Variants in NR3C2 observed in about 807,000 individuals in gnomAD.
The protein encoded by NR3C2 is nuclear receptor subfamily 3 group C member 2, also known as mineralocorticoid receptor.
In NR3C2, 15 loss-of-function variants were observed where a neutral mutation model predicts 86.4. That is an observed-to-expected ratio of 0.17 (90% CI 0.12 to 0.27). NR3C2 has a LOEUF of 0.27. NR3C2 is among the 10% of genes least tolerant of loss of function. The pLI, the probability that NR3C2 is intolerant of heterozygous loss-of-function variation, is 1.00. For missense variants in NR3C2, 960 were observed against 1,195.6 expected (o/e 0.80, Z 2.91); for synonymous variants, 458 against 450.5 (o/e 1.02, Z -0.21).
intron 2 of NR3C2, among the ~76,000 whole-genome samples, chr4:148,270,356 T>C (rs1740619050): frequency 1.3e-5 from 2 of 152,310 alleles, no homozygotes; most frequent in African/African-American, 4.8e-5. Flanking sequence ...TTGCACCCTC[T>C]CTTCTACTTC....
intron 8 of NR3C2, among the ~76,000 whole-genome samples, chr4:148,097,332 A>G (rs968765039): frequency 6.6e-6 from 1 of 152,168 alleles, no homozygotes; most frequent in Non-Finnish European, 1.5e-5. Context: ...CTCGATATCC[A>G]TGGTAGCTAA....
At chr4:148,178,804 T>G (rs998397838) in intron 4 of NR3C2, among the ~76,000 whole-genome samples, 2 of 151,134 alleles carry the variant, frequency 1.3e-5, no homozygotes, top group African/African-American at 4.8e-5. Context: ...GACACTCAGG[T>G]GTCAATGACA....
intron 2 of NR3C2, among the ~76,000 whole-genome samples, chr4:148,371,430 AC>A (rs1746416405): frequency 6.6e-6 from 1 of 152,050 alleles, no homozygotes; most frequent in African/African-American, 2.4e-5. Flanking sequence ...AATGCTTGAG[AC>A]CCCCTTGGGG....
intron 2 of NR3C2, among the ~76,000 whole-genome samples, chr4:148,406,469 A>C (rs1748433203): frequency 6.6e-6 from 1 of 152,076 alleles, no homozygotes; most frequent in African/African-American, 2.4e-5. Flanking sequence ...GGAGGTATGG[A>C]AAGATAATTA....
At chr4:148,434,577 A>G (rs184382178) in intron 2 of NR3C2, among the ~76,000 whole-genome samples, 1 of 152,300 alleles carries the variant, frequency 6.6e-6, no homozygotes, top group Non-Finnish European at 1.5e-5. Flanking sequence ...CAACTTTCAT[A>G]TAATTAACCT....
At position 148,378,097 on chromosome 4, in the gene NR3C2, T is replaced by C. The variant is rs557391779; in HGVS notation, c.1757+57007A>G. ...GGTTCCTTCACATGAGCCATAGAGGTTGTTATAGGAATATCAATGAGTATG... is the reference window on the plus strand; with the variant it reads ...GGTTCCTTCACATGAGCCATAGAGGCTGTTATAGGAATATCAATGAGTATG... On this transcript the variant is annotated intron_variant, in intron 2 of 8. Coordinates refer to ENST00000358102, the MANE Select transcript of NR3C2 (RefSeq NM_000901.5). Among the ~76,000 whole-genome samples the C allele has an allele frequency of 2.6e-5, 4 of 152,156 alleles. No homozygotes were observed. The East Asian group carries it at 7.7e-4, about 29-fold the overall frequency.
At chr4:148,247,941 T>C (rs887750520) in intron 3 of NR3C2, among the ~76,000 whole-genome samples, 1 of 152,182 alleles carries the variant, frequency 6.6e-6, no homozygotes, top group African/African-American at 2.4e-5. Context: ...GTCTGTCAGA[T>C]GCCGGTTACA....
At chr4:148,267,829 T>C (rs1189230065) in intron 2 of NR3C2, among the ~76,000 whole-genome samples, 4 of 152,168 alleles carry the variant, frequency 2.6e-5, no homozygotes, top group Admixed American at 1.3e-4. Flanking sequence ...AATCAACCTT[T>C]AACAACTGTT....
At position 148,081,338 on chromosome 4, in the gene NR3C2, G is replaced by C; in HGVS notation, c.*6C>G. The C allele has an allele frequency of 1.2e-6, 2 of 1,614,180 alleles. No homozygotes were observed. The highest frequency in any genetic ancestry group is 1.6e-4 in the Middle Eastern group (1 of 6,062). ...TTAAGGCAAAGTTCTTCTGGGCAGC[G>C]GGCAGTCACTTCCGGTGGAAGTAGA... On this transcript the variant is annotated 3_prime_UTR_variant, in exon 9 of 9. Coordinates refer to ENST00000358102, the MANE Select transcript of NR3C2 (RefSeq NM_000901.5).
intron 3 of NR3C2, among the ~76,000 whole-genome samples, chr4:148,226,733 C>T (rs1427990821): frequency 8.5e-5 from 13 of 152,172 alleles, no homozygotes; most frequent in Admixed American, 8.5e-4. Context: ...AATTCACATC[C>T]TTTCCAATAT....
intron 2 of NR3C2, among the ~76,000 whole-genome samples, chr4:148,423,711 T>A (rs1749392688): frequency 6.6e-6 from 1 of 152,158 alleles, no homozygotes; most frequent in Non-Finnish European, 1.5e-5. Flanking sequence ...TTGCCTATTA[T>A]TATTATTATT....
chr4:148,085,538 C>G (rs530707225), intron 8 of NR3C2, among the ~76,000 whole-genome samples: 2 of 152,210 alleles, frequency 1.3e-5, no homozygotes, highest in African/African-American at 4.8e-5. Flanking sequence ...CAGGAGACAG[C>G]AGGAAGGATC....
intron 2 of NR3C2, among the ~76,000 whole-genome samples, chr4:148,290,804 T>C (rs1432182531): frequency 1.3e-5 from 2 of 152,180 alleles, no homozygotes; most frequent in Non-Finnish European, 1.5e-5. Flanking sequence ...ACTTCTGATA[T>C]TACTTCTCAC....
chr4:148,234,967 C>G (rs981915321), intron 3 of NR3C2, among the ~76,000 whole-genome samples: 1 of 151,960 alleles, frequency 6.6e-6, no homozygotes, highest in Non-Finnish European at 1.5e-5. Context: ...AATATTTTCA[C>G]AATGTTTTGC....
At chr4:148,277,107 C>A (rs369398173) in intron 2 of NR3C2, among the ~76,000 whole-genome samples, 2 of 152,026 alleles carry the variant, frequency 1.3e-5, no homozygotes, top group Non-Finnish European at 2.9e-5. Context: ...AAATATTTTA[C>A]GGGAACTGGA....
intron 3 of NR3C2, among the ~76,000 whole-genome samples, chr4:148,221,564 A>C (rs111773093): frequency 9.2e-5 from 14 of 152,338 alleles, no homozygotes; most frequent in African/African-American, 2.6e-4. Flanking sequence ...TTAAAGGTAA[A>C]ACATATCTTT....
chr4:148,334,350 C>T lies in NR3C2; in HGVS notation c.1758-74233G>A, dbSNP rs1230979733. On this transcript the variant is annotated intron_variant, in intron 2 of 8. Transcript: ENST00000358102. ...CTGACGTCGGGAGTTCGAGATCAGC[C>T]TGGCCAACATGGCAAAACCCCATCT... 2.0e-5 allele frequency among the ~76,000 whole-genome samples: 3 copies of T among 152,240 alleles called. No individual in the cohort carries two copies. The East Asian group carries it at 5.8e-4, about 29-fold the overall frequency.
At chr4:148,387,864 T>C (rs956543619) in intron 2 of NR3C2, among the ~76,000 whole-genome samples, 1 of 152,188 alleles carries the variant, frequency 6.6e-6, no homozygotes, top group African/African-American at 2.4e-5. Flanking sequence ...TTATGAAATG[T>C]GGAGCAAGCA....
At chr4:148,130,709 C>T (rs1732979112) in intron 6 of NR3C2, among the ~76,000 whole-genome samples, 1 of 150,496 alleles carries the variant, frequency 6.6e-6, no homozygotes. Flanking sequence ...TAGATATAAA[C>T]AAAACAAAGG....
Sources: gnomAD v4.1 joint callset for allele counts (sites outside exome capture counted in the v4.1 genomes callset) on GRCh38, gnomAD v4.1.1 for gene constraint, MANE v1.5 for transcripts, NCBI Gene and HGNC (gene_info 2026-07-23, HGNC 2026-07-21) for gene names.